The following CAPN10 variants were observed in gnomAD, a reference collection of about 807,000 sequenced individuals.
The protein encoded by CAPN10 is calpain-10.
A neutral mutation model predicts 78.4 loss-of-function variants in CAPN10; 71 were observed. That is an observed-to-expected ratio of 0.91 (90% CI 0.75 to 1.10). The LOEUF (loss-of-function observed/expected upper bound fraction) is 1.10. Ranked by LOEUF, CAPN10 falls within the 50% of genes least tolerant of loss-of-function variation. The probability of loss-of-function intolerance (pLI) is 0.00; values close to 1 mark genes in which losing one functional copy is unlikely to be tolerated. For synonymous variants in CAPN10, 437 were observed against 407.2 expected (o/e 1.07, Z -0.88); for missense variants, 849 against 924.6 (o/e 0.92, Z 1.06).
chr2:240,587,662 C>T (rs762021148), intron 1 of CAPN10, among the ~76,000 whole-genome samples: 1 of 152,338 alleles, frequency 6.6e-6, no homozygotes, highest in Non-Finnish European at 1.5e-5. Flanking sequence ...CGCCAGTCTT[C>T]GAACAGAGCT....
intron 4 of CAPN10, chr2:240,592,374 C>G (rs2093108087): frequency 2.9e-6 from 2 of 692,700 alleles, no homozygotes; most frequent in Non-Finnish European, 5.4e-6. Flanking sequence ...GTCCTTTCCA[C>G]TAGTGCGAGG....
rs746084848 is a variant in CAPN10 at position 240,598,094 on chromosome 2, C to T, written c.1943+7C>T. 4 of 1,601,116 alleles carry T rather than the reference C, an allele frequency of 2.5e-6. No homozygotes were observed. In the South Asian group the frequency reaches 4.4e-5, roughly 18 times the overall value. ...TCGCAACCAGGATTGACAGGTGGGGCTCTGGGACTTGGGGGCGGCCAGCTG... is the reference window on the plus strand; with the variant it reads ...TCGCAACCAGGATTGACAGGTGGGGTTCTGGGACTTGGGGGCGGCCAGCTG... On this transcript the variant is annotated splice_region_variant and intron_variant, in intron 10 of 11. Transcript: ENST00000391984.
In CAPN10 at chr2:240,586,920, G is replaced by A. The variant is rs1033622172; in HGVS notation, c.9G>A (p.Ala3=). 1 of 1,431,424 alleles carries A rather than the reference G, an allele frequency of 7.0e-7. No homozygotes were observed. The highest frequency in any genetic ancestry group is 9.1e-7 in the Non-Finnish European group (1 of 1,094,360). 88.7% of individuals were successfully genotyped at this position (1,431,424 alleles called of 1,614,324 possible). Residue 3 remains alanine, a synonymous_variant, in exon 1 of 12, where the codon GCG becomes GCA. Transcript: ENST00000391984. MR[A]GRGATPAREL... ...AGCCCGCGGAGCCGAGGATGCGGGC[G>A]GGCCGGGGCGCGACGCCGGCGAGGG...
At chr2:240,594,513 G>C in intron 5 of CAPN10, 30 bp from the exon 6 acceptor site, 1 of 1,596,646 alleles carries the variant, frequency 6.3e-7, no homozygotes. Context: ...TTCTCGGGAG[G>C]GGCTTCTGCT....
intron 3 of CAPN10, 147 bp downstream of exon 3, chr2:240,591,158 C>T (rs1391725525): frequency 1.5e-6 from 1 of 678,254 alleles, no homozygotes; most frequent in Non-Finnish European, 2.5e-6. Flanking sequence ...GTGAGTCAGG[C>T]TGACAGGCCA....
chr2:240,593,075 C>T (rs1047804214), intron 4 of CAPN10, among the ~76,000 whole-genome samples: 8 of 152,358 alleles, frequency 5.3e-5, no homozygotes, highest in Admixed American at 6.5e-5. Context: ...TCCCCGCCAG[C>T]CCCGCTGGGG....
intron 5 of CAPN10, 70 bp downstream of exon 5, chr2:240,594,117 G>A (rs1187844691): frequency 1.4e-6 from 2 of 1,453,110 alleles, no homozygotes; most frequent in East Asian, 2.3e-5. Flanking sequence ...CTGTGTCCTG[G>A]TCACCTTCAG....
At position 240,593,950 on chromosome 2, in the gene CAPN10, C is replaced by G; in HGVS notation, c.733C>G (p.Leu245Val). The change falls in exon 5 of 12, where the codon CTG (leucine) becomes GTG (valine). Residue 245 changes from leucine to valine, a missense_variant. By Grantham distance (32) the Leu-to-Val change is conservative (BLOSUM62 1). Transcript: ENST00000391984. ...GTTCCATGCCTTCATTGTCTCGGAC[C>G]TGCGGGAGCTCCAGGGTCAGGCGGG... ...GEFHAFIVSD[L>V]RELQGQAGQC... The G allele has an allele frequency of 1.9e-6, 3 of 1,610,152 alleles. No individual in the cohort carries two copies. The highest frequency in any genetic ancestry group is 1.7e-6 in the Non-Finnish European group (2 of 1,177,386).
rs1277349238 is a variant in CAPN10, at chr2:240,589,289, T to C, written c.142-54T>C. 2.5e-6 allele frequency: 4 copies of C among 1,612,748 alleles called. No individual in the cohort carries two copies. The East Asian group carries it at 6.7e-5, about 27-fold the overall frequency. Reference sequence around the variant, plus strand: ...CATCTAGAGCCTTGGGTTCTTAGTTTGAAGGGTTCCACAGCAGGCATGATC... The same window carrying C: ...CATCTAGAGCCTTGGGTTCTTAGTTCGAAGGGTTCCACAGCAGGCATGATC... On this transcript the variant is annotated intron_variant, in intron 1 of 11. Coordinates refer to ENST00000391984, the MANE Select transcript of CAPN10 (RefSeq NM_023083.4).
intron 1 of CAPN10, among the ~76,000 whole-genome samples, chr2:240,588,436 G>T (rs986481431): frequency 6.6e-6 from 1 of 152,204 alleles, no homozygotes; most frequent in South Asian, 2.1e-4. Flanking sequence ...AGATAGACTT[G>T]AGAAGCAGCA....
chr2:240,586,971 C>A lies in CAPN10; in HGVS notation c.60C>A (p.Pro20=), dbSNP rs373382524. ...ARELFRDAAF[P]AADSSLFCDL... ...AGCTGTTCCGGGACGCCGCCTTCCC[C>A]GCCGCGGACTCCTCGCTCTTCTGCG... Residue 20 remains proline, a synonymous_variant, in exon 1 of 12, where the codon CCC becomes CCA. Transcript: ENST00000391984. 3.4e-6 allele frequency: 5 copies of A among 1,482,858 alleles called. No homozygotes were observed. In the South Asian group the frequency reaches 6.4e-5, roughly 19 times the overall value. 91.9% of individuals were successfully genotyped at this position (1,482,858 alleles called of 1,614,324 possible). A position where few individuals can be genotyped will look rare whatever the true frequency, so the allele number is the denominator to read the frequency against.
Position 240,590,818 on chromosome 2 carries a change from A to G in CAPN10, c.277A>G (p.Ile93Val), listed in dbSNP as rs1485389464. The change falls in exon 3 of 12, where the codon ATT becomes GTT. Residue 93 changes from isoleucine to valine, a missense_variant. Coordinates refer to ENST00000391984, the MANE Select transcript of CAPN10 (RefSeq NM_023083.4). ...TGCTTCTCCCTGTGCATGGCAGGTC[A>G]TTCCTCCGGGACAGCCGAGCTGGGC... ...QKSRHLLDQVIPPGQPSWADQ... is the reference protein window; with the variant it reads ...QKSRHLLDQVVPPGQPSWADQ... The G allele has an allele frequency of 6.2e-7, 1 of 1,613,874 alleles. No homozygotes were observed. Among genetic ancestry groups the G allele is most frequent in the Non-Finnish European group, 8.5e-7 (1 of 1,179,926 alleles).
chr2:240,596,835 T>A lies in CAPN10; in HGVS notation c.1636T>A (p.Phe546Ile). 6.2e-7 allele frequency: 1 copy of A among 1,613,472 alleles called. No homozygotes were observed. Among genetic ancestry groups the A allele is most frequent in the Non-Finnish European group, 8.5e-7 (1 of 1,180,000 alleles). ...ASYPTNPCFP[F>I]SVPEGPGPRC... Reference sequence around the variant, plus strand: ...ATACCCCACCAACCCCTGCTTCCCCTTCTCGGTCCCCGAGGGCCCTGGCCC... The same window carrying A: ...ATACCCCACCAACCCCTGCTTCCCCATCTCGGTCCCCGAGGGCCCTGGCCC... The change falls in exon 9 of 12, where the codon TTC becomes ATC. Residue 546 changes from phenylalanine to isoleucine, a missense_variant. Coordinates refer to ENST00000391984, the MANE Select transcript of CAPN10 (RefSeq NM_023083.4).
At chr2:240,587,244 G>C (rs112689953) in intron 1 of CAPN10, among the ~76,000 whole-genome samples, 192 bp downstream of exon 1, 1 of 152,220 alleles carries the variant, frequency 6.6e-6, no homozygotes, top group African/African-American at 2.4e-5. Flanking sequence ...AGCAGGACTC[G>C]GCGCTACCCT....
chr2:240,598,554 G>A (rs1243039311), intron 11 of CAPN10, 97 bp from the exon 12 acceptor site: 19 of 1,465,550 alleles, frequency 1.3e-5, no homozygotes, highest in Admixed American at 1.9e-5. Flanking sequence ...AGGGCAGGGG[G>A]AGCTGAGGCT....
At chr2:240,597,527 G>T (rs2093144587) in intron 9 of CAPN10, among the ~76,000 whole-genome samples, 1 of 152,204 alleles carries the variant, frequency 6.6e-6, no homozygotes, top group Non-Finnish European at 1.5e-5. Context: ...ACAGTGGGCT[G>T]CCTGGGGACC....
rs2093123042 is a variant in CAPN10 at position 240,594,469 on chromosome 2, T to TC, written c.831-68dup. 2.6e-5 allele frequency: 38 copies of TC among 1,483,922 alleles called. 1 individual carries two copies. The highest frequency in any genetic ancestry group is 3.2e-5 in the Non-Finnish European group (35 of 1,086,874). 91.9% of individuals were successfully genotyped at this position (1,483,922 alleles called of 1,614,324 possible). A position where few individuals can be genotyped will look rare whatever the true frequency, so the allele number is the denominator to read the frequency against. On this transcript the variant is annotated intron_variant, in intron 5 of 11. Coordinates refer to ENST00000391984, the MANE Select transcript of CAPN10 (RefSeq NM_023083.4). Reference sequence around the variant, plus strand: ...GGGCTCTCTGGGTCCCCTCCAGGCTTCCCCCCAGCCTGCCGGCAAGTTGAC... The same window carrying TC: ...GGGCTCTCTGGGTCCCCTCCAGGCTTCCCCCCCAGCCTGCCGGCAAGTTGAC...
Position 240,597,957 on chromosome 2 carries a change from C to G in CAPN10, c.1813C>G (p.Pro605Ala). ...GCAGGAGCCGCTGCTGAGCTGCGTG[C>G]CACATCGCTACGCCCAGGAGGTGAG... ...LLQEPLLSCVPHRYAQEVSRL... is the reference protein window; with the variant it reads ...LLQEPLLSCVAHRYAQEVSRL... Residue 605 changes from proline (P) to alanine (A), a missense_variant, in exon 10 of 12, where the codon CCA becomes GCA. Pro to Ala is a conservative substitution (Grantham distance 27). Coordinates refer to ENST00000391984, the MANE Select transcript of CAPN10 (RefSeq NM_023083.4). 1 of 1,612,940 alleles carries G rather than the reference C, an allele frequency of 6.2e-7. No individual in the cohort carries two copies. Among genetic ancestry groups the G allele is most frequent in the Non-Finnish European group, 8.5e-7 (1 of 1,179,896 alleles).
intron 8 of CAPN10, 30 bp from the exon 9 acceptor site, chr2:240,596,651 A>G: frequency 2.6e-6 from 4 of 1,530,726 alleles, no homozygotes; most frequent in Non-Finnish European, 3.5e-6. Flanking sequence ...ACCTGCTGCC[A>G]GCGCCCTCCC....
Sources: gnomAD v4.1 joint callset for allele counts (sites outside exome capture counted in the v4.1 genomes callset) on GRCh38, gnomAD v4.1.1 for gene constraint, MANE v1.5 for transcripts, NCBI Gene and HGNC (gene_info 2026-07-23, HGNC 2026-07-21) for gene names.